The following MAP3K4 variants were observed in gnomAD, a reference collection of about 807,000 sequenced individuals.
MAP3K4 encodes the protein MAP three kinase 1.
Under a neutral mutation model 185.6 loss-of-function variants are expected in MAP3K4, and 67 were observed. The observed-to-expected ratio is 0.36, with a 90% CI of 0.30 to 0.44. The LOEUF (loss-of-function observed/expected upper bound fraction) is 0.44, where lower values mean the gene tolerates loss of function less well. Ranked by LOEUF, MAP3K4 falls within the 20% of genes least tolerant of loss-of-function variation. MAP3K4 has a pLI of 1.00. For missense variants in MAP3K4, 1,551 were observed against 1,995.1 expected, an observed-to-expected ratio of 0.78 and a Z score of 4.24; for synonymous variants, 702 against 710.4, an observed-to-expected ratio of 0.99 and a Z score of 0.19.
rs1011637287 is a variant in MAP3K4, at chr6:161,054,594, A to G, written c.1707+4615A>G. On this transcript the variant is annotated intron_variant, in intron 3 of 26. Transcript: ENST00000392142. This position sits in a 1 kb window ranked among gnomAD's most constrained non-coding sequence, Gnocchi z 4.2. Reference sequence around the variant, plus strand: ...AAATGCCTTTAATGATTTGTTCAAAATTATATGAAGTTGTAGCTCTGTACC... The same window carrying G: ...AAATGCCTTTAATGATTTGTTCAAAGTTATATGAAGTTGTAGCTCTGTACC... Among the ~76,000 whole-genome samples the G allele has an allele frequency of 3.3e-5, 5 of 152,258 alleles. No homozygotes were observed. The highest frequency in any genetic ancestry group is 7.3e-5 in the Non-Finnish European group (5 of 68,040).
intron 15 of MAP3K4, among the ~76,000 whole-genome samples, chr6:161,094,494 T>G (rs978304869): frequency 6.6e-6 from 1 of 152,234 alleles, no homozygotes; most frequent in African/African-American, 2.4e-5. Flanking sequence ...CAAAAAAAGC[T>G]GTGTCTTATG....
chr6:161,004,565 C>T (rs953519431), intron 1 of MAP3K4, among the ~76,000 whole-genome samples: 3 of 152,138 alleles, frequency 2.0e-5, no homozygotes, highest in Non-Finnish European at 4.4e-5. Context: ...ATCTCAAAGA[C>T]AGTTTTAGGT....
At chr6:161,068,601 T>C (rs1784804537) in intron 3 of MAP3K4, among the ~76,000 whole-genome samples, 1 of 152,138 alleles carries the variant, frequency 6.6e-6, no homozygotes, top group South Asian at 2.1e-4. Flanking sequence ...CAAAATCACT[T>C]TGTGGGTTAT....
In MAP3K4 at chr6:161,114,419, C is replaced by T. The variant is rs1331659819; in HGVS notation, c.4627-704C>T. Among the ~76,000 whole-genome samples, 1 of 152,166 alleles carries T rather than the reference C, an allele frequency of 6.6e-6. No individual in the cohort carries two copies. The highest frequency in any genetic ancestry group is 1.5e-5 in the Non-Finnish European group (1 of 68,028). On this transcript the variant is annotated intron_variant, in intron 25 of 26. Coordinates refer to ENST00000392142, the MANE Select transcript of MAP3K4 (RefSeq NM_005922.4). This position sits in a 1 kb window ranked among gnomAD's most constrained non-coding sequence, Gnocchi z 4.3. ...ATCAGTTAATTATAATGTAGCTATGCCTTGCAGCTGCTGAAACAGATCACA... is the reference window on the plus strand; with the variant it reads ...ATCAGTTAATTATAATGTAGCTATGTCTTGCAGCTGCTGAAACAGATCACA...
intron 1 of MAP3K4, among the ~76,000 whole-genome samples, chr6:161,023,156 A>G (rs1407465710): frequency 6.6e-6 from 1 of 152,130 alleles, no homozygotes; most frequent in Admixed American, 6.5e-5. Flanking sequence ...AACACCTTAT[A>G]ATTTTTGCTG....
At position 161,106,416 on chromosome 6, in the gene MAP3K4, A is replaced by G; in HGVS notation, c.3857-98A>G. On this transcript the variant is annotated intron_variant, in intron 19 of 26. Transcript: ENST00000392142. The surrounding 1 kb of genome is among the most constrained non-coding windows in gnomAD (Gnocchi z 4.9). The stretch of plus-strand genomic sequence containing the variant: ...TAGATAATAAGCTTTGCTGTAATGG[A>G]GTGCTAATATATATTGCTCTATTTT... The G allele has an allele frequency of 1.3e-6, 1 of 766,504 alleles. No homozygotes were observed. Among genetic ancestry groups the G allele is most frequent in the Non-Finnish European group, 2.1e-6 (1 of 478,756 alleles). 47.5% of individuals were successfully genotyped at this position (766,504 alleles called of 1,614,324 possible).
chr6:161,005,126 A>T (rs1301657438), intron 1 of MAP3K4, among the ~76,000 whole-genome samples: 4 of 151,968 alleles, frequency 2.6e-5, no homozygotes, highest in Non-Finnish European at 5.9e-5. Flanking sequence ...CTCAAGACAC[A>T]AAAGTATATA....
chr6:161,038,008 T>G (rs1258798581), intron 2 of MAP3K4, among the ~76,000 whole-genome samples: 1 of 152,164 alleles, frequency 6.6e-6, no homozygotes, highest in Non-Finnish European at 1.5e-5. Flanking sequence ...TGTCTTTCCT[T>G]CCTTCCATCC....
chr6:161,095,681 C>T (rs933806385), intron 15 of MAP3K4, among the ~76,000 whole-genome samples: 5 of 152,190 alleles, frequency 3.3e-5, no homozygotes, highest in African/African-American at 1.2e-4. Flanking sequence ...CACACTGTGG[C>T]CGTCATGAAT....
chr6:161,079,513 G>A (rs1785343382), intron 5 of MAP3K4, among the ~76,000 whole-genome samples: 1 of 152,196 alleles, frequency 6.6e-6, no homozygotes, highest in African/African-American at 2.4e-5. Context: ...GGAGGCAGAG[G>A]TTGCGGTGAG....
rs1272958996 is a variant in MAP3K4, at chr6:161,064,578, A to AG, written c.1708-6028dup. 6.6e-6 allele frequency among the ~76,000 whole-genome samples: 1 copy of AG among 152,106 alleles called. No individual in the cohort carries two copies. The highest frequency in any genetic ancestry group is 1.5e-5 in the Non-Finnish European group (1 of 68,030). On this transcript the variant is annotated intron_variant, in intron 3 of 26. Coordinates refer to ENST00000392142, the MANE Select transcript of MAP3K4 (RefSeq NM_005922.4). The surrounding 1 kb of genome is among the most constrained non-coding windows in gnomAD (Gnocchi z 4.3). Reference sequence around the variant, plus strand: ...TTATTAGTAAGGTTTGGTATCTTGTAGGACAGTGTTGCCCATTGTTTCTTT... The same window carrying AG: ...TTATTAGTAAGGTTTGGTATCTTGTAGGGACAGTGTTGCCCATTGTTTCTTT...
At chr6:161,020,364 A>G (rs1782320959) in intron 1 of MAP3K4, among the ~76,000 whole-genome samples, 1 of 152,048 alleles carries the variant, frequency 6.6e-6, no homozygotes, top group Non-Finnish European at 1.5e-5. Flanking sequence ...CACTTTTCTA[A>G]GTAAAGAGTC....
Position 161,106,097 on chromosome 6 carries a change from A to G in MAP3K4, c.3857-417A>G, listed in dbSNP as rs1778057093. ...AGTGATCTGCCCACCTCACCTCCCAAAGTGCTGGGATTACAAGAATGAGTC... is the reference window on the plus strand; with the variant it reads ...AGTGATCTGCCCACCTCACCTCCCAGAGTGCTGGGATTACAAGAATGAGTC... On this transcript the variant is annotated intron_variant, in intron 19 of 26. Transcript: ENST00000392142. The surrounding 1 kb of genome is among the most constrained non-coding windows in gnomAD (Gnocchi z 4.9). Among the ~76,000 whole-genome samples the G allele has an allele frequency of 6.6e-6, 1 of 152,078 alleles. No homozygotes were observed. Among genetic ancestry groups the G allele is most frequent in the African/African-American group, 2.4e-5 (1 of 41,414 alleles).
At position 161,075,835 on chromosome 6, in the gene MAP3K4, A is replaced by G. The variant is rs1344892316; in HGVS notation, c.2097+2223A>G. Among the ~76,000 whole-genome samples, 1 of 152,246 alleles carries G rather than the reference A, an allele frequency of 6.6e-6. No homozygotes were observed. Among genetic ancestry groups the G allele is most frequent in the Non-Finnish European group, 1.5e-5 (1 of 68,042 alleles). On this transcript the variant is annotated intron_variant, in intron 5 of 26. Transcript: ENST00000392142. The surrounding 1 kb of genome is among the most constrained non-coding windows in gnomAD (Gnocchi z 4.3). ...CTCTCTTCTTACAGATGAAAAAACT[A>G]GAGACTGTCAGTGTTTTAAAATTAT... is the stretch of plus-strand genomic sequence containing the variant.
In MAP3K4 at chr6:161,110,195, T is replaced by A. The variant is rs375763299; in HGVS notation, c.4396+281T>A. On this transcript the variant is annotated intron_variant, in intron 23 of 26. Coordinates refer to ENST00000392142, the MANE Select transcript of MAP3K4 (RefSeq NM_005922.4). This position sits in a 1 kb window ranked among gnomAD's most constrained non-coding sequence, Gnocchi z 4.8. ...TTATAAGCTGATTTGGCATAGCCCG[T>A]GTACTTACCAGACATTCGTGATCAA... Among the ~76,000 whole-genome samples the A allele has an allele frequency of 3.1e-4, 47 of 152,352 alleles. No homozygotes were observed. The South Asian group carries it at 9.3e-3, about 30-fold the overall frequency.
rs1478229937 is a variant in MAP3K4, at chr6:161,003,733, A to G, written c.152+11650A>G. ...GGTTAACTTATTACTATAATTTTCAAAAGTGAAAGATCCAATGAGATTTCA... is the reference window on the plus strand; with the variant it reads ...GGTTAACTTATTACTATAATTTTCAGAAGTGAAAGATCCAATGAGATTTCA... On this transcript the variant is annotated intron_variant, in intron 1 of 26. Transcript: ENST00000392142. 2.0e-5 allele frequency among the ~76,000 whole-genome samples: 3 copies of G among 152,192 alleles called. No individual in the cohort carries two copies. In the East Asian group the frequency reaches 5.8e-4, roughly 29 times the overall value.
At chr6:161,041,398 C>T (rs547059626) in intron 2 of MAP3K4, among the ~76,000 whole-genome samples, 1 of 152,242 alleles carries the variant, frequency 6.6e-6, no homozygotes, top group South Asian at 2.1e-4. Flanking sequence ...CTAACCCTGC[C>T]GAGGCCCAGG....
chr6:161,073,441 G>A lies in MAP3K4; in HGVS notation c.1951-25G>A, dbSNP rs761530385. ...CGTCTGGTTGGAGTTTATGGCTGCTGGAACCTGTGTGTGTTGTTTTGCAGC... is the reference window on the plus strand; with the variant it reads ...CGTCTGGTTGGAGTTTATGGCTGCTAGAACCTGTGTGTGTTGTTTTGCAGC... On this transcript the variant is annotated intron_variant, in intron 4 of 26. Coordinates refer to ENST00000392142, the MANE Select transcript of MAP3K4 (RefSeq NM_005922.4). The surrounding 1 kb of genome is among the most constrained non-coding windows in gnomAD (Gnocchi z 4.2). 4.5e-6 allele frequency: 7 copies of A among 1,550,006 alleles called. No individual in the cohort carries two copies. The highest frequency in any genetic ancestry group is 6.1e-6 in the Non-Finnish European group (7 of 1,147,232).
chr6:161,111,980 C>T, intron 24 of MAP3K4, 22 bp downstream of exon 24: 1 of 1,612,516 alleles, frequency 6.2e-7, no homozygotes, highest in Non-Finnish European at 8.5e-7. Context: ...CCTGGTTGTT[C>T]TTTGCACTCT....
Sources: allele counts gnomAD v4.1 joint callset (sites outside exome capture counted in the v4.1 genomes callset), GRCh38; gene constraint gnomAD v4.1.1; non-coding constraint Gnocchi (gnomAD v3.1); transcripts MANE v1.5; gene names NCBI Gene and HGNC (gene_info 2026-07-23, HGNC 2026-07-21).